The following CLCA1 variants were observed in gnomAD, a reference collection of about 807,000 sequenced individuals.
CLCA1 encodes chloride channel accessory 1.
Under a neutral mutation model 85.6 loss-of-function variants are expected in CLCA1, and 59 were observed. That is an observed-to-expected ratio of 0.69 (90% CI 0.56 to 0.86). The LOEUF (loss-of-function observed/expected upper bound fraction) is 0.86, where lower values mean the gene tolerates loss of function less well. Among genes scored for constraint, CLCA1 ranks in the 40% least tolerant of loss-of-function variants. The pLI, the probability that CLCA1 is intolerant of heterozygous loss-of-function variation, is 0.00. For missense variants in CLCA1, 1,022 were observed against 1,101.4 expected, an observed-to-expected ratio of 0.93 and a Z score of 1.02; for synonymous variants, 396 against 398.3, an observed-to-expected ratio of 0.99 and a Z score of 0.07.
At chr1:86,479,145 T>C (rs1477644283) in intron 4 of CLCA1, among the ~76,000 whole-genome samples, 2 of 152,178 alleles carry the variant, frequency 1.3e-5, no homozygotes, top group African/African-American at 4.8e-5. Flanking sequence ...AGGAAATAAA[T>C]TGAAATTAAA....
Position 86,489,064 on chromosome 1 carries a change from T to C in CLCA1, c.1251T>C (p.Thr417=), listed in dbSNP as rs1306399138. 1 of 1,613,946 alleles carries C rather than the reference T, an allele frequency of 6.2e-7. No individual in the cohort carries two copies. The highest frequency in any genetic ancestry group is 8.5e-7 in the Non-Finnish European group (1 of 1,179,992). The stretch of plus-strand genomic sequence containing the variant: ...TGCTGACGGATGGGGAAGACAACAC[T>C]ATAAGTGGGTGCTTTAACGAGGTCA... ...IVLLTDGEDN[T]ISGCFNEVKQ... The change falls in exon 8 of 14, where the codon ACT becomes ACC. Residue 417 remains threonine (T), a synonymous_variant. Coordinates refer to ENST00000394711, the MANE Select transcript of CLCA1 (RefSeq NM_001285.4).
intron 9 of CLCA1, among the ~76,000 whole-genome samples, chr1:86,492,221 C>T (rs1648150436): frequency 6.6e-6 from 1 of 152,114 alleles, no homozygotes; most frequent in Non-Finnish European, 1.5e-5. Flanking sequence ...AAACCATAGG[C>T]TTTCTGGCTT....
In CLCA1 at chr1:86,495,771, T is replaced by A. The variant is rs117438833; in HGVS notation, c.2113+96T>A. On this transcript the variant is annotated intron_variant, in intron 12 of 13. Coordinates refer to ENST00000394711, the MANE Select transcript of CLCA1 (RefSeq NM_001285.4). ...TGGGGCAGAATGGTGCATGATTAAA[T>A]CAGGGTTTCTCAACCTTGGCATTAT... 1.4e-3 allele frequency: 1,661 copies of A among 1,158,816 alleles called. 37 individuals are homozygous for A. In the East Asian group the frequency reaches 0.033, roughly 23 times the overall value. 71.8% of individuals were successfully genotyped at this position (1,158,816 alleles called of 1,614,324 possible). A position where few individuals can be genotyped will look rare whatever the true frequency, so the allele number is the denominator to read the frequency against.
intron 4 of CLCA1, among the ~76,000 whole-genome samples, chr1:86,481,716 C>G (rs1647826924): frequency 6.6e-6 from 1 of 151,888 alleles, no homozygotes; most frequent in Non-Finnish European, 1.5e-5. Flanking sequence ...GAAAGCATTC[C>G]AACTATAATA....
chr1:86,490,913 A>ATAC (rs138889569), intron 8 of CLCA1, among the ~76,000 whole-genome samples: 2 of 147,372 alleles, frequency 1.4e-5, no homozygotes, highest in African/African-American at 5.0e-5. Flanking sequence ...AAAAAAAAAA[A>ATAC]AAAAAAAAAT....
At chr1:86,475,929 G>C (rs1647626477) in intron 3 of CLCA1, among the ~76,000 whole-genome samples, 1 of 152,178 alleles carries the variant, frequency 6.6e-6, no homozygotes, top group South Asian at 2.1e-4. Context: ...CCAATCTGGT[G>C]ACTATTGCAG....
chr1:86,476,920 C>CT (rs1283682353), intron 4 of CLCA1, among the ~76,000 whole-genome samples: 1 of 151,996 alleles, frequency 6.6e-6, no homozygotes, highest in Non-Finnish European at 1.5e-5. Flanking sequence ...ATAATATCTT[C>CT]TTTTTTTGAG....
chr1:86,489,238 G>T (rs921112977), intron 8 of CLCA1, 68 bp downstream of exon 8: 1 of 1,444,794 alleles, frequency 6.9e-7, no homozygotes, highest in African/African-American at 1.4e-5. Flanking sequence ...CAGTGAACTG[G>T]GGAGTGGGGG....
In CLCA1 at chr1:86,494,466, T is replaced by C. The variant is rs1648222049; in HGVS notation, c.1942+18T>C. Reference sequence around the variant, plus strand: ...TGGAGCAGGTAATCACCCAAGAAATTGGAAGATATTTATTTCTTTTTCCAA... The same window carrying C: ...TGGAGCAGGTAATCACCCAAGAAATCGGAAGATATTTATTTCTTTTTCCAA... On this transcript the variant is annotated intron_variant, in intron 11 of 13. Coordinates refer to ENST00000394711, the MANE Select transcript of CLCA1 (RefSeq NM_001285.4). 2 of 1,611,342 alleles carry C rather than the reference T, an allele frequency of 1.2e-6. No homozygotes were observed. The highest frequency in any genetic ancestry group is 1.7e-5 in the Admixed American group (1 of 59,824).
intron 9 of CLCA1, among the ~76,000 whole-genome samples, chr1:86,493,003 C>G (rs550063406): frequency 2.0e-5 from 3 of 152,216 alleles, no homozygotes; most frequent in Admixed American, 2.0e-4. Context: ...GAGAAACCTT[C>G]ATGGAGAAAG....
At position 86,493,575 on chromosome 1, in the gene CLCA1, C is replaced by T. The variant is rs142122660; in HGVS notation, c.1656C>T (p.Tyr552=). 1.3e-3 allele frequency: 2,053 copies of T among 1,613,918 alleles called. 2 individuals carry two copies. Among genetic ancestry groups the T allele is most frequent in the Admixed American group, 1.9e-3 (115 of 60,014 alleles). Residue 552 remains tyrosine (Y), a synonymous_variant, in exon 10 of 14, where the codon TAC becomes TAT. Transcript: ENST00000394711. ...TGGACAAAAACACCAAAATGGCCTA[C>T]CTCCAAATCCCAGGCATTGCTAAGG... The part of the protein sequence containing the change: ...FVVDKNTKMA[Y]LQIPGIAKVG...
intron 7 of CLCA1, among the ~76,000 whole-genome samples, chr1:86,487,819 A>G (rs957951031): frequency 2.6e-5 from 4 of 152,034 alleles, no homozygotes; most frequent in African/African-American, 9.7e-5. Flanking sequence ...CCAACACCCA[A>G]CTCAGCTGTC....
At chr1:86,488,853 A>C (rs935559901) in intron 7 of CLCA1, 143 bp from the exon 8 acceptor site, 3 of 646,224 alleles carry the variant, frequency 4.6e-6, no homozygotes, top group Admixed American at 5.7e-5. Flanking sequence ...GTATCATTTC[A>C]AGACAGACAG....
At position 86,498,933 on chromosome 1, in the gene CLCA1, C is replaced by G. The variant is rs2734707; in HGVS notation, c.2353+122C>G. 1.2e-3 allele frequency: 1,372 copies of G among 1,112,702 alleles called. 12 individuals carry two copies. The African/African-American group carries it at 0.02, about 16-fold the overall frequency. 68.9% of individuals were successfully genotyped at this position (1,112,702 alleles called of 1,614,324 possible). A position where few individuals can be genotyped will look rare whatever the true frequency, so the allele number is the denominator to read the frequency against. The stretch of plus-strand genomic sequence containing the variant: ...GGGCAGAAGGCAGGAGGGATCTTGC[C>G]GGTCCTTTGAAATGAGGGATAAATG... On this transcript the variant is annotated intron_variant, in intron 13 of 13. Coordinates refer to ENST00000394711, the MANE Select transcript of CLCA1 (RefSeq NM_001285.4).
chr1:86,469,402 G>A (rs941395681), intron 1 of CLCA1, among the ~76,000 whole-genome samples: 10 of 152,218 alleles, frequency 6.6e-5, no homozygotes, highest in Non-Finnish European at 8.8e-5. Flanking sequence ...TGTGGATTAT[G>A]TCACTGAAAA....
At chr1:86,488,915 C>T in intron 7 of CLCA1, 81 bp from the exon 8 acceptor site, 1 of 1,227,560 alleles carries the variant, frequency 8.1e-7, no homozygotes, top group Non-Finnish European at 1.2e-6. Flanking sequence ...AATTTCTTTT[C>T]TCCTTTCCTG....
At chr1:86,480,044 C>T (rs913126446) in intron 4 of CLCA1, among the ~76,000 whole-genome samples, 1 of 151,950 alleles carries the variant, frequency 6.6e-6, no homozygotes, top group Admixed American at 6.6e-5. Context: ...GACTCTTTTC[C>T]AATTGGATGG....
intron 5 of CLCA1, among the ~76,000 whole-genome samples, chr1:86,482,620 C>T (rs1168431988): frequency 2.0e-5 from 3 of 152,274 alleles, no homozygotes; most frequent in African/African-American, 7.2e-5. Flanking sequence ...AGTTCAAGTG[C>T]TTAGGATTAC....
intron 1 of CLCA1, among the ~76,000 whole-genome samples, chr1:86,471,043 A>G (rs546854865): frequency 1.3e-5 from 2 of 152,196 alleles, no homozygotes; most frequent in South Asian, 4.2e-4. Context: ...GTCAGAGAGA[A>G]ACTCTCTCTT....
Sources: allele counts gnomAD v4.1 joint callset (sites outside exome capture counted in the v4.1 genomes callset), GRCh38; gene constraint gnomAD v4.1.1; transcripts MANE v1.5; gene names NCBI Gene and HGNC (gene_info 2026-07-23, HGNC 2026-07-21).